Variants in PMFBP1 observed in about 807,000 individuals in gnomAD.
PMFBP1 encodes polyamine modulated factor 1 binding protein 1.
Under a neutral mutation model 137.8 loss-of-function variants are expected in PMFBP1, and 131 were observed. The ratio of observed to expected loss-of-function variants is 0.95; its 90% CI spans 0.82 to 1.10. The LOEUF is 1.10. PMFBP1 is among the 50% of genes least tolerant of loss of function. The probability of loss-of-function intolerance (pLI) is 0.00; values close to 1 mark genes in which losing one functional copy is unlikely to be tolerated. For synonymous variants in PMFBP1, 490 were observed against 450.4 expected (o/e 1.09, Z -1.11); for missense variants, 1,199 against 1,175.4 (o/e 1.02, Z -0.29).
chr16:72,125,447 T>C (rs1252848168), intron 15 of PMFBP1, 42 bp from the exon 16 acceptor site: 1 of 1,595,124 alleles, frequency 6.3e-7, no homozygotes, highest in South Asian at 1.1e-5. Flanking sequence ...GTCAGAGACT[T>C]TGACCCTCTC....
At chr16:72,171,505 G>C (rs1185884122) in intron 1 of PMFBP1, 3 of 417,216 alleles carry the variant, frequency 7.2e-6, no homozygotes, top group African/African-American at 5.9e-5. Flanking sequence ...GAACCAAACA[G>C]TTTCTGAATT....
upstream of PMFBP1, among the ~76,000 whole-genome samples, chr16:72,180,212 T>C (rs977218208): frequency 6.6e-6 from 1 of 152,158 alleles, no homozygotes; most frequent in Non-Finnish European, 1.5e-5. Flanking sequence ...GCAAGGCACT[T>C]AGAGGCCAGG....
At chr16:72,196,364 T>A in the PMFBP1 span, among the ~76,000 whole-genome samples, 115 of 152,300 alleles carry the variant, frequency 7.6e-4, 1 homozygote, top group South Asian at 0.023. Flanking sequence ...TTCTCTGTGG[T>A]ACAGAACTGG....
chr16:72,152,072 G>C (rs1210096454), intron 4 of PMFBP1, among the ~76,000 whole-genome samples: 1 of 152,174 alleles, frequency 6.6e-6, no homozygotes, highest in African/African-American at 2.4e-5. Flanking sequence ...ATGGGCTTCC[G>C]GTCCTTCTTT....
the PMFBP1 span, among the ~76,000 whole-genome samples, chr16:72,209,018 G>GT: frequency 1.3e-5 from 2 of 152,214 alleles, no homozygotes; most frequent in Non-Finnish European, 2.9e-5. Context: ...CTAGTTCCAT[G>GT]TTTCACCAGC....
chr16:72,228,133 C>T, the PMFBP1 span, among the ~76,000 whole-genome samples: 1 of 152,096 alleles, frequency 6.6e-6, no homozygotes, highest in Admixed American at 6.5e-5. Flanking sequence ...TCCCAGGCAA[C>T]TTGGGTTGTG....
At chr16:72,168,983 C>T (rs2043183713) in intron 2 of PMFBP1, among the ~76,000 whole-genome samples, 1 of 152,126 alleles carries the variant, frequency 6.6e-6, no homozygotes, top group South Asian at 2.1e-4. Flanking sequence ...CAAGCTTCTT[C>T]TTGGGGGAAG....
At chr16:72,138,941 A>C (rs1351993052) in intron 7 of PMFBP1, among the ~76,000 whole-genome samples, 1 of 152,100 alleles carries the variant, frequency 6.6e-6, no homozygotes, top group African/African-American at 2.4e-5. Context: ...AGGGGGAATA[A>C]ATTTGGATTA....
chr16:72,231,177 T>C, the PMFBP1 span, among the ~76,000 whole-genome samples: 1 of 152,152 alleles, frequency 6.6e-6, no homozygotes, highest in Non-Finnish European at 1.5e-5. Context: ...TCCAGTGTCT[T>C]GAGGGCCACA....
At chr16:72,162,867 A>G (rs1440871519) in intron 3 of PMFBP1, among the ~76,000 whole-genome samples, 1 of 152,268 alleles carries the variant, frequency 6.6e-6, no homozygotes, top group Non-Finnish European at 1.5e-5. Flanking sequence ...GTTAATATTT[A>G]GAAAGAAGTA....
chr16:72,164,187 G>A (rs2043107414), intron 3 of PMFBP1, among the ~76,000 whole-genome samples: 1 of 152,134 alleles, frequency 6.6e-6, no homozygotes, highest in African/African-American at 2.4e-5. Context: ...AGAAAGGAAG[G>A]TGGGAGATGT....
the PMFBP1 span, among the ~76,000 whole-genome samples, chr16:72,249,309 C>T: frequency 3.3e-5 from 5 of 150,636 alleles, no homozygotes; most frequent in South Asian, 2.1e-4. Flanking sequence ...AATAAAAAAT[C>T]GTGAAGCAGG....
At chr16:72,159,812 A>T (rs866165055) in intron 3 of PMFBP1, among the ~76,000 whole-genome samples, 108 of 123,084 alleles carry the variant, frequency 8.8e-4, no homozygotes, top group East Asian at 1.5e-3. Context: ...TTTTTTTTTT[A>T]AAACATTCTT....
chr16:72,154,552 ACATC>A (rs1567636953), intron 3 of PMFBP1, 93 bp from the exon 4 acceptor site: 1 of 1,361,122 alleles, frequency 7.3e-7, no homozygotes, highest in Admixed American at 2.2e-5. Context: ...TCAGTCATTC[ACATC>A]CATCTATCCA....
Position 72,126,335 on chromosome 16 carries a change from C to T in PMFBP1, c.2089-203G>A, listed in dbSNP as rs367878562. The stretch of plus-strand genomic sequence containing the variant: ...GCTCTTTTGCACCCCTCAGCCACAT[C>T]TCTCTTTCTAGTTAGCATTTCCCTC... On this transcript the variant is annotated intron_variant, in intron 14 of 20. Transcript: ENST00000237353. Among the ~76,000 whole-genome samples, 31 of 152,356 alleles carry T rather than the reference C, an allele frequency of 2.0e-4. 2 individuals carry two copies. Among genetic ancestry groups the T allele is most frequent in the Admixed American group, 1.0e-3 (16 of 15,312 alleles).
At chr16:72,191,753 C>G in the PMFBP1 span, among the ~76,000 whole-genome samples, 2 of 152,196 alleles carry the variant, frequency 1.3e-5, no homozygotes, top group Non-Finnish European at 1.5e-5. Context: ...GCACAGCCAC[C>G]TCTCTGGGGA....
chr16:72,119,822 C>T, intron 20 of PMFBP1, 29 bp downstream of exon 20: 4 of 1,605,684 alleles, frequency 2.5e-6, no homozygotes, highest in South Asian at 1.1e-5. Flanking sequence ...AAAAATCACA[C>T]TTATTTTTTT....
At chr16:72,119,483 G>A (rs1213977200) in intron 20 of PMFBP1, 129 bp from the exon 21 acceptor site, 1 of 1,565,126 alleles carries the variant, frequency 6.4e-7, no homozygotes, top group Non-Finnish European at 8.6e-7. Flanking sequence ...GTAACATGGA[G>A]TTTACAGGTG....
the PMFBP1 span, among the ~76,000 whole-genome samples, chr16:72,185,484 T>G: frequency 6.6e-6 from 1 of 152,068 alleles, no homozygotes; most frequent in Admixed American, 6.5e-5. Flanking sequence ...CCCATCATCT[T>G]TGGGTTCACT....
Sources: allele counts gnomAD v4.1 joint callset (sites outside exome capture counted in the v4.1 genomes callset), GRCh38; gene constraint gnomAD v4.1.1; transcripts MANE v1.5; gene names NCBI Gene and HGNC (gene_info 2026-07-23, HGNC 2026-07-21).